Variants in ADAMTSL1 observed in about 807,000 individuals in gnomAD.
ADAMTSL1 encodes ADAMTS like 1.
In ADAMTSL1, 126 loss-of-function variants were observed where a neutral mutation model predicts 201.8. That is an observed-to-expected ratio of 0.62 (90% CI 0.54 to 0.72). The LOEUF (loss-of-function observed/expected upper bound fraction) is 0.72, where lower values mean the gene tolerates loss of function less well. Ranked by LOEUF, ADAMTSL1 falls within the 30% of genes least tolerant of loss-of-function variation. The pLI is 0.00. For synonymous variants in ADAMTSL1, 1,121 were observed against 903.4 expected, an observed-to-expected ratio of 1.24 and a Z score of -4.32; for missense variants, 2,679 against 2,277.8, an observed-to-expected ratio of 1.18 and a Z score of -3.59.
chr9:18,004,179 T>A lies in ADAMTSL1; in HGVS notation c.87+97257T>A, dbSNP rs574008178. On this transcript the variant is annotated intron_variant, in intron 1 of 29. Coordinates refer to the ADAMTSL1 transcript ENST00000680146. ...CAGCTAGCAATAAAAGGGTTTCATA[T>A]GCACATGGAATGATTTTGCAATATG... Among the ~76,000 whole-genome samples, 20 of 152,114 alleles carry A rather than the reference T, an allele frequency of 1.3e-4. 1 individual carries two copies. Among genetic ancestry groups the A allele is most frequent in the African/African-American group, 4.6e-4 (19 of 41,524 alleles).
At chr9:18,028,868 C>T (rs1231870293) in intron 1 of ADAMTSL1, among the ~76,000 whole-genome samples, 6 of 152,206 alleles carry the variant, frequency 3.9e-5, no homozygotes, top group East Asian at 1.9e-4. Flanking sequence ...GCCATTTTCA[C>T]GATATTGATT....
chr9:18,073,437 G>A (rs902137154), intron 1 of ADAMTSL1, among the ~76,000 whole-genome samples: 2 of 152,074 alleles, frequency 1.3e-5, no homozygotes, highest in African/African-American at 4.8e-5. Flanking sequence ...TATCTAAAGG[G>A]GGCACAAGTA....
chr9:18,105,465 AATCACCTTATTTTG>A, intron 1 of ADAMTSL1, among the ~76,000 whole-genome samples: 1 of 152,326 alleles, frequency 6.6e-6, no homozygotes, highest in Middle Eastern at 3.4e-3. Flanking sequence ...GCAAAATTGA[AATCACCTTATTTTG>A]ATGGAGCATT....
chr9:18,085,056 A>G (rs938017197), intron 1 of ADAMTSL1, among the ~76,000 whole-genome samples: 1 of 152,132 alleles, frequency 6.6e-6, no homozygotes, highest in Non-Finnish European at 1.5e-5. Context: ...AAGTGCTACC[A>G]TGCTGAGCTG....
intron 2 of ADAMTSL1, among the ~76,000 whole-genome samples, chr9:18,282,707 G>A (rs928427039): frequency 1.3e-5 from 2 of 152,172 alleles, no homozygotes; most frequent in African/African-American, 4.8e-5. Context: ...ACACCAGCCT[G>A]ACCAACATGG....
chr9:18,820,305 G>T (rs1443923582), intron 21 of ADAMTSL1, among the ~76,000 whole-genome samples: 1 of 152,162 alleles, frequency 6.6e-6, no homozygotes, highest in African/African-American at 2.4e-5. Flanking sequence ...AGTCTGGGAA[G>T]GAGAAAAGTT....
chr9:18,194,735 G>A (rs1442792401), intron 2 of ADAMTSL1, among the ~76,000 whole-genome samples: 1 of 152,054 alleles, frequency 6.6e-6, no homozygotes, highest in Non-Finnish European at 1.5e-5. Flanking sequence ...AATGGCAGAG[G>A]AGAAGCAGTG....
intron 20 of ADAMTSL1, among the ~76,000 whole-genome samples, chr9:18,815,464 C>G (rs1255305645): frequency 1.3e-5 from 2 of 150,744 alleles, no homozygotes; most frequent in African/African-American, 4.9e-5. Context: ...GTGGGTGGAT[C>G]GCTTGAGCCC....
chr9:18,787,844 G>C (rs901450042), intron 19 of ADAMTSL1, among the ~76,000 whole-genome samples: 1 of 152,172 alleles, frequency 6.6e-6, no homozygotes, highest in Non-Finnish European at 1.5e-5. Context: ...AGGAAATCCA[G>C]TCAGTCATTT....
chr9:17,964,787 A>C (rs139090577), intron 1 of ADAMTSL1, among the ~76,000 whole-genome samples: 1 of 152,284 alleles, frequency 6.6e-6, no homozygotes, highest in Non-Finnish European at 1.5e-5. Flanking sequence ...AACATTAAAG[A>C]AGTTTTATTT....
At chr9:18,657,545 C>A in intron 7 of ADAMTSL1, 94 bp from the exon 8 acceptor site, 1 of 874,508 alleles carries the variant, frequency 1.1e-6, no homozygotes, top group East Asian at 2.5e-5. Flanking sequence ...AGCCTAAAAC[C>A]ATCAGCACTA....
chr9:18,429,882 CG>C (rs1819406382), intron 2 of ADAMTSL1, among the ~76,000 whole-genome samples: 1 of 151,976 alleles, frequency 6.6e-6, no homozygotes, highest in Non-Finnish European at 1.5e-5. Context: ...CTCTGCCTCC[CG>C]GGTTCAAGCG....
intron 4 of ADAMTSL1, among the ~76,000 whole-genome samples, chr9:18,602,121 A>G (rs1433594206): frequency 6.6e-6 from 1 of 152,228 alleles, no homozygotes; most frequent in Non-Finnish European, 1.5e-5. Flanking sequence ...TGATTTCACT[A>G]CTGCCTACTG....
chr9:18,049,817 GT>G (rs1369553498), intron 1 of ADAMTSL1, among the ~76,000 whole-genome samples: 1 of 152,070 alleles, frequency 6.6e-6, no homozygotes, highest in Non-Finnish European at 1.5e-5. Context: ...TAGAGATAGG[GT>G]TTTACCGTGT....
intron 1 of ADAMTSL1, among the ~76,000 whole-genome samples, chr9:18,062,821 A>G (rs1586968364): frequency 6.6e-6 from 1 of 152,302 alleles, no homozygotes; most frequent in East Asian, 1.9e-4. Flanking sequence ...CCTCTGATTT[A>G]TGGTTGGCTA....
intron 23 of ADAMTSL1, among the ~76,000 whole-genome samples, chr9:18,836,051 T>C (rs1204524661): frequency 3.3e-5 from 5 of 152,170 alleles, no homozygotes; most frequent in Non-Finnish European, 2.9e-5. Context: ...TGAATGATCG[T>C]TGTGTTTTAA....
intron 1 of ADAMTSL1, among the ~76,000 whole-genome samples, chr9:17,980,462 G>A (rs1164863454): frequency 6.6e-6 from 1 of 150,816 alleles, no homozygotes; most frequent in East Asian, 2.0e-4. Context: ...TTTTAATTTT[G>A]ATTACTAGCT....
At chr9:18,719,331 C>A (rs559042834) in intron 14 of ADAMTSL1, among the ~76,000 whole-genome samples, 1 of 152,202 alleles carries the variant, frequency 6.6e-6, no homozygotes, top group South Asian at 2.1e-4. Flanking sequence ...TATTGTGATT[C>A]TTTTTTTATT....
intron 1 of ADAMTSL1, among the ~76,000 whole-genome samples, chr9:18,484,642 A>C (rs762731468): frequency 3.3e-5 from 5 of 152,234 alleles, no homozygotes; most frequent in Non-Finnish European, 7.3e-5. Context: ...AGTCAGCTGC[A>C]TATAGAAGGC....
Sources: allele counts gnomAD v4.1 joint callset (sites outside exome capture counted in the v4.1 genomes callset), GRCh38; gene constraint gnomAD v4.1.1; transcripts MANE v1.5; gene names NCBI Gene and HGNC (gene_info 2026-07-23, HGNC 2026-07-21).